The following GRIK1 variants were observed in gnomAD, a reference collection of about 807,000 sequenced individuals.
GRIK1 encodes glutamate ionotropic receptor kainate type subunit 1, also known as glutamate receptor ionotropic, kainate 1.
In GRIK1, 69 loss-of-function variants were observed where a neutral mutation model predicts 105.7. The ratio of observed to expected loss-of-function variants is 0.65; its 90% confidence interval spans 0.54 to 0.80. The LOEUF (loss-of-function observed/expected upper bound fraction) is 0.80, where lower values mean the gene tolerates loss of function less well. Ranked by LOEUF, GRIK1 falls within the 30% of genes least tolerant of loss-of-function variation. The pLI is 0.00. For synonymous variants in GRIK1, 438 were observed against 431.3 expected, an observed-to-expected ratio of 1.02 and a Z score of -0.19; for missense variants, 1,109 against 1,167.3, an observed-to-expected ratio of 0.95 and a Z score of 0.73.
intron 1 of GRIK1, among the ~76,000 whole-genome samples, chr21:29,909,114 AAC>A (rs2070733964): frequency 6.6e-6 from 1 of 152,132 alleles, no homozygotes; most frequent in South Asian, 2.1e-4. Context: ...ATTTTTATTT[AAC>A]AAACTATCCA....
At chr21:29,833,722 C>T (rs1441515194) in intron 1 of GRIK1, among the ~76,000 whole-genome samples, 1 of 152,064 alleles carries the variant, frequency 6.6e-6, no homozygotes, top group Non-Finnish European at 1.5e-5. Flanking sequence ...GAGATTTGAG[C>T]AGGAACACAA....
Position 29,617,084 on chromosome 21 carries a change from C to T in GRIK1, c.1099-18147G>A, listed in dbSNP as rs572755656. Among the ~76,000 whole-genome samples the T allele has an allele frequency of 2.0e-5, 3 of 152,220 alleles. No individual in the cohort carries two copies. The South Asian group carries it at 6.2e-4, about 32-fold the overall frequency. On this transcript the variant is annotated intron_variant, in intron 7 of 17. Coordinates refer to ENST00000327783, the MANE Select transcript of GRIK1 (RefSeq NM_001330994.2). ...GATAAAAGATGGGCTTTGCAGATCT[C>T]TAATTAGCAAACTCCCTTGAAAGTA...
chr21:29,685,809 TC>T (rs932669399), intron 3 of GRIK1, among the ~76,000 whole-genome samples: 1 of 152,218 alleles, frequency 6.6e-6, no homozygotes, highest in African/African-American at 2.4e-5. Flanking sequence ...ACCCCCGGTA[TC>T]CTACCCCTCT....
At chr21:29,771,055 A>C (rs1203317003) in intron 1 of GRIK1, among the ~76,000 whole-genome samples, 1 of 152,222 alleles carries the variant, frequency 6.6e-6, no homozygotes, top group Non-Finnish European at 1.5e-5. Context: ...TGGTTCTGAT[A>C]TTTTATTAAC....
At chr21:29,661,905 CA>C (rs952626010) in intron 4 of GRIK1, among the ~76,000 whole-genome samples, 2 of 152,212 alleles carry the variant, frequency 1.3e-5, no homozygotes, top group African/African-American at 4.8e-5. Context: ...TGCATGTACA[CA>C]GGTGATAAGC....
At chr21:29,880,364 A>G (rs1450385600) in intron 1 of GRIK1, among the ~76,000 whole-genome samples, 1 of 152,152 alleles carries the variant, frequency 6.6e-6, no homozygotes, top group African/African-American at 2.4e-5. Flanking sequence ...TCAGATGTGC[A>G]TTAAGAAAAA....
At chr21:29,743,041 CT>C (rs373664106) in intron 1 of GRIK1, among the ~76,000 whole-genome samples, 81 of 142,364 alleles carry the variant, frequency 5.7e-4, no homozygotes, top group African/African-American at 1.3e-3. Context: ...TTCCTCACTT[CT>C]TTTTTTTTTT....
rs2068670653 is a variant in GRIK1 at position 29,862,349 on chromosome 21, G to A, written c.118+77034C>T. On this transcript the variant is annotated intron_variant, in intron 1 of 17. Coordinates refer to ENST00000327783, the MANE Select transcript of GRIK1 (RefSeq NM_001330994.2). ...TTCCTCCACCAAATTCTTGTTGTAG[G>A]CTATTTTGTACCTCACATTTTATAA... Among the ~76,000 whole-genome samples, 3 of 151,996 alleles carry A rather than the reference G, an allele frequency of 2.0e-5. No homozygotes were observed. In the South Asian group the frequency reaches 6.2e-4, roughly 32 times the overall value.
chr21:29,936,239 T>C (rs1464900828), intron 1 of GRIK1, among the ~76,000 whole-genome samples: 5 of 152,224 alleles, frequency 3.3e-5, no homozygotes, highest in Non-Finnish European at 7.3e-5. Context: ...TATAATTGTA[T>C]GTGTTGAGAT....
intron 16 of GRIK1, among the ~76,000 whole-genome samples, chr21:29,548,929 A>T (rs2090087110): frequency 6.6e-6 from 1 of 152,172 alleles, no homozygotes; most frequent in Non-Finnish European, 1.5e-5. Context: ...ATAAAGCTTA[A>T]TTTTTTTCCC....
intron 1 of GRIK1, among the ~76,000 whole-genome samples, chr21:29,888,151 C>CTTTT (rs1569191335): frequency 1.3e-4 from 9 of 66,958 alleles, no homozygotes; most frequent in South Asian, 5.7e-4. Context: ...CCCTCCCTCC[C>CTTTT]TCCTTTCTTT....
chr21:29,847,352 T>C (rs2068154480), intron 1 of GRIK1, among the ~76,000 whole-genome samples: 1 of 152,204 alleles, frequency 6.6e-6, no homozygotes, highest in South Asian at 2.1e-4. Flanking sequence ...TCCCAGCACT[T>C]TGGGAGGCCC....
At chr21:29,815,236 G>A (rs561100810) in intron 1 of GRIK1, among the ~76,000 whole-genome samples, 3 of 152,256 alleles carry the variant, frequency 2.0e-5, no homozygotes, top group Middle Eastern at 6.8e-3. Context: ...GAGACTCATG[G>A]AAGCTCTGGA....
intron 1 of GRIK1, among the ~76,000 whole-genome samples, chr21:29,821,447 C>A (rs1045760480): frequency 6.6e-6 from 1 of 151,944 alleles, no homozygotes; most frequent in African/African-American, 2.4e-5. Context: ...CTGTATGGGT[C>A]CCATGCTGTT....
At chr21:29,573,713 G>C (rs1335990352) in intron 14 of GRIK1, among the ~76,000 whole-genome samples, 1 of 152,116 alleles carries the variant, frequency 6.6e-6, no homozygotes, top group Non-Finnish European at 1.5e-5. Context: ...GCCAGGCATG[G>C]TAGCATGCAC....
chr21:29,723,180 A>T (rs2064364886), intron 1 of GRIK1, among the ~76,000 whole-genome samples: 1 of 152,234 alleles, frequency 6.6e-6, no homozygotes, highest in African/African-American at 2.4e-5. Flanking sequence ...GCTAAAATTT[A>T]TAGTTTGGAA....
chr21:29,657,924 TA>T (rs914535252), intron 4 of GRIK1: 2 of 152,226 alleles, frequency 1.3e-5, no homozygotes, highest in East Asian at 3.8e-4. Flanking sequence ...GTTTTAAAAA[TA>T]AAAAGTGTAA....
At chr21:29,763,078 C>G (rs890118111) in intron 1 of GRIK1, among the ~76,000 whole-genome samples, 1 of 152,136 alleles carries the variant, frequency 6.6e-6, no homozygotes, top group Non-Finnish European at 1.5e-5. Context: ...GACTCTGTGT[C>G]CCCACCTAAA....
Position 29,561,984 on chromosome 21 carries a change from ATC to A in GRIK1, c.2131-137_2131-136del, listed in dbSNP as rs1299893983. The A allele has an allele frequency of 6.3e-5, 40 of 632,054 alleles. No individual in the cohort carries two copies. The Admixed American group carries it at 1.0e-3, about 16-fold the overall frequency. 39.2% of individuals were successfully genotyped at this position (632,054 alleles called of 1,614,324 possible). A position where few individuals can be genotyped will look rare whatever the true frequency, so the allele number is the denominator to read the frequency against. On this transcript the variant is annotated intron_variant, in intron 14 of 17. Transcript: ENST00000327783. Reference sequence around the variant, plus strand: ...ACAGGTGGGGGAGTCAAGATTGATGATCTCAAGGCTTCACTTTTGTAGCTGAG... The same window carrying A: ...ACAGGTGGGGGAGTCAAGATTGATGATCAAGGCTTCACTTTTGTAGCTGAG...
Sources: gnomAD v4.1 joint callset for allele counts (sites outside exome capture counted in the v4.1 genomes callset) on GRCh38, gnomAD v4.1.1 for gene constraint, MANE v1.5 for transcripts, NCBI Gene and HGNC (gene_info 2026-07-23, HGNC 2026-07-21) for gene names.